Variants in CFAP100 observed in about 807,000 individuals in gnomAD.
CFAP100 encodes cilia and flagella associated protein 100, also known as cilia- and flagella-associated protein 100.
In CFAP100, 70 loss-of-function variants were observed where a neutral mutation model predicts 81.5. The observed-to-expected ratio is 0.86, with a 90% CI of 0.71 to 1.05. The LOEUF (loss-of-function observed/expected upper bound fraction) is 1.05, where lower values mean the gene tolerates loss of function less well. Ranked by LOEUF, CFAP100 falls within the 50% of genes least tolerant of loss-of-function variation. The pLI, the probability that CFAP100 is intolerant of heterozygous loss-of-function variation, is 0.00. For missense variants in CFAP100, 811 were observed against 776.5 expected (o/e 1.04, Z -0.53); for synonymous variants, 341 against 314.8 (o/e 1.08, Z -0.88).
intron 3 of CFAP100, among the ~76,000 whole-genome samples, chr3:126,412,373 C>T (rs931220607): frequency 5.9e-5 from 9 of 152,152 alleles, no homozygotes; most frequent in South Asian, 2.1e-4. Flanking sequence ...AAGGCCCTTT[C>T]GCCATAGAAG....
At chr3:126,420,889 GGAT>G (rs1455393174) in intron 11 of CFAP100, 1 of 152,262 alleles carries the variant, frequency 6.6e-6, no homozygotes, top group Non-Finnish European at 1.5e-5. Flanking sequence ...CATTTTTGTT[GGAT>G]TATTGGCCTG....
intron 11 of CFAP100, 57 bp from the exon 12 acceptor site, chr3:126,423,268 C>A: frequency 1.4e-6 from 2 of 1,480,216 alleles, no homozygotes. Context: ...GCCCCCTCCC[C>A]TGGCTCCTGT....
At position 126,419,765 on chromosome 3, in the gene CFAP100, A is replaced by T. The variant is rs924276198; in HGVS notation, c.860A>T (p.Glu287Val). The T allele has an allele frequency of 5.0e-6, 8 of 1,614,070 alleles. No individual in the cohort carries two copies. In the Admixed American group the frequency reaches 5.0e-5, roughly 10 times the overall value. The change falls in exon 9 of 17, where the codon GAG becomes GTG. Residue 287 changes from glutamate to valine, a missense_variant. By Grantham distance (121) the Glu-to-Val change is moderately radical. Coordinates refer to ENST00000352312, the MANE Select transcript of CFAP100 (RefSeq NM_182628.3). ...CACTCGTTTCTCAAAAAGGCCAAGG[A>T]GGTCTCCGAGGCTTCCAAAGAGAGC... is the stretch of plus-strand genomic sequence containing the variant. ...KKHSFLKKAK[E>V]VSEASKESSV...
chr3:126,436,226 G>C (rs1933440879), intron 16 of CFAP100, 65 bp from the exon 17 acceptor site: 2 of 1,274,352 alleles, frequency 1.6e-6, no homozygotes, highest in Non-Finnish European at 2.3e-6. Flanking sequence ...CTGCACCAGG[G>C]GCAGGGGTAT....
At chr3:126,416,295 G>T (rs773232567) in intron 4 of CFAP100, 21 bp from the exon 5 acceptor site, 1 of 1,571,302 alleles carries the variant, frequency 6.4e-7, no homozygotes, top group South Asian at 1.2e-5. Context: ...GGCCCCGCCC[G>T]ACTTGGCCCG....
intron 13 of CFAP100, among the ~76,000 whole-genome samples, chr3:126,430,041 C>G (rs778960491): frequency 2.0e-5 from 3 of 152,138 alleles, no homozygotes; most frequent in Non-Finnish European, 4.4e-5. Flanking sequence ...CGTCTTAGAG[C>G]AGTTGTTGTA....
intron 5 of CFAP100, 24 bp downstream of exon 5, chr3:126,416,532 G>T (rs377081702): frequency 4.6e-6 from 7 of 1,527,002 alleles, no homozygotes; most frequent in African/African-American, 2.8e-5. Context: ...GGCGCGGGGG[G>T]ACCTGGGCCA....
intron 11 of CFAP100, among the ~76,000 whole-genome samples, chr3:126,421,088 C>T (rs534888272): frequency 3.4e-4 from 52 of 152,310 alleles, no homozygotes; most frequent in African/African-American, 9.9e-4. Flanking sequence ...CCGCAACCTC[C>T]GCCTCCCAGG....
Position 126,436,437 on chromosome 3 carries a change from C to T in CFAP100, c.*33C>T. ...AGACCATAGCTGTTCTGGCTGAAGG[C>T]TTAGCAAAGATGTTGGCAGAGGAAG... On this transcript the variant is annotated 3_prime_UTR_variant, in exon 17 of 17. Transcript: ENST00000352312. The T allele has an allele frequency of 6.4e-7, 1 of 1,550,824 alleles. No individual in the cohort carries two copies. Among genetic ancestry groups the T allele is most frequent in the Non-Finnish European group, 8.9e-7 (1 of 1,128,882 alleles).
Position 126,436,275 on chromosome 3 carries a change from C to T in CFAP100, c.1723-16C>T, listed in dbSNP as rs190068777. 5.4e-5 allele frequency: 87 copies of T among 1,606,242 alleles called. No individual in the cohort carries two copies. The highest frequency in any genetic ancestry group is 1.7e-4 in the Middle Eastern group (1 of 5,784). ...TCACTAGGCAGCAAGGCTCACTGGG[C>T]TTGTTTCCCCTGCAGAGAGGCAGGA... On this transcript the variant is annotated splice_polypyrimidine_tract_variant and intron_variant, in intron 16 of 16. Transcript: ENST00000352312.
rs2082880632 is a variant in CFAP100, at chr3:126,395,927, T to G, written c.-59-15T>G. On this transcript the variant is annotated splice_polypyrimidine_tract_variant and intron_variant, in intron 1 of 16. Transcript: ENST00000352312. ...CTTGGGGACCACCAGGCTCAAGCAC[T>G]GTGTCACTCCTCAGGTGAGGATCTC... 1 of 1,323,908 alleles carries G rather than the reference T, an allele frequency of 7.6e-7. No individual in the cohort carries two copies. Among genetic ancestry groups the G allele is most frequent in the Admixed American group, 1.7e-5 (1 of 58,994 alleles). The allele number at this position is 1,323,908 out of a possible 1,614,324, so 82.0% of individuals were successfully genotyped here.
At chr3:126,422,210 T>C (rs932617685) in intron 11 of CFAP100, among the ~76,000 whole-genome samples, 7 of 152,142 alleles carry the variant, frequency 4.6e-5, no homozygotes, top group African/African-American at 1.7e-4. Flanking sequence ...GCTACATCCA[T>C]CTGGAGGGTG....
In CFAP100 at chr3:126,409,812, G is replaced by A. The variant is rs556120868; in HGVS notation, c.130+2560G>A. 2.6e-5 allele frequency among the ~76,000 whole-genome samples: 4 copies of A among 152,246 alleles called. No individual in the cohort carries two copies. In the South Asian group the frequency reaches 8.3e-4, roughly 32 times the overall value. ...TAACGATTTCTTGGAGCTCTTTACT[G>A]GATAGAAGTCATTTGCTAGTTCTGA... On this transcript the variant is annotated intron_variant, in intron 3 of 16. Coordinates refer to ENST00000352312, the MANE Select transcript of CFAP100 (RefSeq NM_182628.3).
At chr3:126,419,508 C>T (rs1189706314) in intron 8 of CFAP100, 129 bp from the exon 9 acceptor site, 2 of 821,846 alleles carry the variant, frequency 2.4e-6, no homozygotes, top group Non-Finnish European at 3.9e-6. Context: ...CATTCCTGCA[C>T]CTTTTCTCAA....
chr3:126,420,829 T>C (rs2083319570), intron 11 of CFAP100: 1 of 125,880 alleles, frequency 7.9e-6, no homozygotes, highest in African/African-American at 3.6e-5. Flanking sequence ...ATGACAAATC[T>C]GAATACATTT....
chr3:126,422,238 C>T (rs2083344667), intron 11 of CFAP100, among the ~76,000 whole-genome samples: 1 of 152,224 alleles, frequency 6.6e-6, no homozygotes, highest in African/African-American at 2.4e-5. Flanking sequence ...AGAAAGGCAT[C>T]GTATGGGCCA....
Position 126,416,514 on chromosome 3 carries a change from T to C in CFAP100, c.418+6T>C. ...GAAGCTCACCTTGACCAAAGGTGCG[T>C]CCCCTCCGGCGCGGGGGGACCTGGG... On this transcript the variant is annotated splice_donor_region_variant and intron_variant, in intron 5 of 16. Coordinates refer to ENST00000352312, the MANE Select transcript of CFAP100 (RefSeq NM_182628.3). The C allele has an allele frequency of 6.4e-7, 1 of 1,566,180 alleles. No homozygotes were observed. The highest frequency in any genetic ancestry group is 8.7e-7 in the Non-Finnish European group (1 of 1,154,304).
chr3:126,406,751 T>C (rs1366964859), intron 2 of CFAP100, among the ~76,000 whole-genome samples: 1 of 151,664 alleles, frequency 6.6e-6, no homozygotes, highest in Non-Finnish European at 1.5e-5. Flanking sequence ...CCTGAGGAGG[T>C]GGGGTCTTAG....
chr3:126,418,890 C>A (rs539222126), intron 7 of CFAP100, 116 bp downstream of exon 7: 8 of 1,316,856 alleles, frequency 6.1e-6, no homozygotes, highest in Non-Finnish European at 8.3e-6. Flanking sequence ...CCTCTGGAAG[C>A]ACCAGGGCCG....
Sources: gnomAD v4.1 joint callset for allele counts (sites outside exome capture counted in the v4.1 genomes callset) on GRCh38, gnomAD v4.1.1 for gene constraint, MANE v1.5 for transcripts, NCBI Gene and HGNC (gene_info 2026-07-23, HGNC 2026-07-21) for gene names.